Variants in FRMD6 observed in about 807,000 individuals in gnomAD.
FRMD6 encodes FERM domain-containing protein 6.
A neutral mutation model predicts 73.2 loss-of-function variants in FRMD6; 37 were observed. The ratio of observed to expected loss-of-function variants is 0.51; its 90% CI spans 0.39 to 0.66. The LOEUF is 0.66. Among genes scored for constraint, FRMD6 ranks in the 30% least tolerant of loss-of-function variants. The pLI, the probability that FRMD6 is intolerant of heterozygous loss-of-function variation, is 0.00. For missense variants in FRMD6, 714 were observed against 780.5 expected (o/e 0.91, Z 1.02); for synonymous variants, 273 against 282.2 (o/e 0.97, Z 0.33).
intron 1 of FRMD6, among the ~76,000 whole-genome samples, chr14:51,685,669 A>G (rs962705932): frequency 6.6e-6 from 1 of 152,194 alleles, no homozygotes; most frequent in African/African-American, 2.4e-5. Context: ...ACTGTTATCC[A>G]TTATATCTTC....
the FRMD6 span, among the ~76,000 whole-genome samples, chr14:51,444,110 G>A: frequency 6.6e-6 from 1 of 152,134 alleles, no homozygotes; most frequent in Non-Finnish European, 1.5e-5. Flanking sequence ...TGTATTTTTA[G>A]TTGAGACAGG....
At chr14:51,629,889 A>T (rs1006801098) in intron 2 of FRMD6, among the ~76,000 whole-genome samples, 1 of 152,200 alleles carries the variant, frequency 6.6e-6, no homozygotes, top group African/African-American at 2.4e-5. Context: ...CTCTAAAACA[A>T]GGAGTCAATT....
At chr14:51,595,783 T>G (rs1044306016) in intron 2 of FRMD6, among the ~76,000 whole-genome samples, 1 of 152,254 alleles carries the variant, frequency 6.6e-6, no homozygotes, top group Non-Finnish European at 1.5e-5. Flanking sequence ...AACAACAGTT[T>G]GCCTTCCTTA....
the FRMD6 span, among the ~76,000 whole-genome samples, chr14:51,440,472 A>G: frequency 6.6e-6 from 1 of 152,220 alleles, no homozygotes; most frequent in African/African-American, 2.4e-5. Flanking sequence ...CAAAAATCAG[A>G]GTAGTGTGCT....
chr14:51,608,958 C>G (rs1244908324), intron 2 of FRMD6, among the ~76,000 whole-genome samples: 1 of 151,860 alleles, frequency 6.6e-6, no homozygotes, highest in African/African-American at 2.4e-5. Flanking sequence ...GGCATGTGCA[C>G]CAGCCTTGGG....
chr14:51,655,465 A>G (rs755562858), intron 1 of FRMD6, among the ~76,000 whole-genome samples: 3 of 152,122 alleles, frequency 2.0e-5, no homozygotes, highest in Non-Finnish European at 4.4e-5. Context: ...GAAAAATGTT[A>G]TCGTTGGTCT....
intron 2 of FRMD6, among the ~76,000 whole-genome samples, chr14:51,589,353 T>C (rs865918706): frequency 5.3e-5 from 2 of 37,612 alleles, no homozygotes; most frequent in African/African-American, 6.8e-5. Flanking sequence ...GTTTTTGGTT[T>C]TTTTTGTTGT....
chr14:51,451,002 A>G, the FRMD6 span, among the ~76,000 whole-genome samples: 1 of 152,226 alleles, frequency 6.6e-6, no homozygotes, highest in Non-Finnish European at 1.5e-5. Flanking sequence ...GGCATGTCAC[A>G]GAAGACCTCC....
At chr14:51,706,952 T>G (rs1434056734) in intron 6 of FRMD6, among the ~76,000 whole-genome samples, 1 of 152,116 alleles carries the variant, frequency 6.6e-6, no homozygotes, top group Non-Finnish European at 1.5e-5. Flanking sequence ...CATGTTTGCA[T>G]TCTCTGGTTG....
chr14:51,619,694 AG>A (rs1890852611), intron 2 of FRMD6, among the ~76,000 whole-genome samples: 1 of 152,192 alleles, frequency 6.6e-6, no homozygotes, highest in African/African-American at 2.4e-5. Context: ...CCAGATGTTT[AG>A]GGAGTTTTGT....
intron 1 of FRMD6, among the ~76,000 whole-genome samples, chr14:51,684,400 G>C (rs1417949425): frequency 6.6e-6 from 1 of 152,194 alleles, no homozygotes. Context: ...ACACATTCAA[G>C]AGGTTGAAAA....
At chr14:51,544,774 G>T (rs1329402679) in intron 1 of FRMD6, among the ~76,000 whole-genome samples, 3 of 151,882 alleles carry the variant, frequency 2.0e-5, no homozygotes, top group African/African-American at 7.3e-5. Context: ...AGCCAAGAGA[G>T]ACTTTGTAGT....
intron 1 of FRMD6, among the ~76,000 whole-genome samples, chr14:51,555,232 C>T (rs117111259): frequency 1.3e-5 from 2 of 152,218 alleles, no homozygotes; most frequent in East Asian, 3.9e-4. Flanking sequence ...CATTCAACCT[C>T]CAAAGAAGAG....
chr14:51,546,872 G>A (rs561138868), intron 1 of FRMD6: 1 of 152,228 alleles, frequency 6.6e-6, no homozygotes, highest in Admixed American at 6.5e-5. Context: ...GAACTAATTT[G>A]AGAAACCCGG....
intron 1 of FRMD6, among the ~76,000 whole-genome samples, chr14:51,549,514 A>G (rs1353581010): frequency 1.3e-5 from 2 of 151,290 alleles, no homozygotes; most frequent in East Asian, 1.9e-4. Flanking sequence ...CTGCTGCTGC[A>G]TTAGTGCCCT....
chr14:51,706,902 A>C (rs925722095), intron 6 of FRMD6, among the ~76,000 whole-genome samples: 1 of 151,896 alleles, frequency 6.6e-6, no homozygotes, highest in African/African-American at 2.4e-5. Flanking sequence ...ATTTTTTTGG[A>C]GAGAAATCAC....
At chr14:51,419,897 T>C in the FRMD6 span, among the ~76,000 whole-genome samples, 1 of 152,102 alleles carries the variant, frequency 6.6e-6, no homozygotes, top group Admixed American at 6.5e-5. Flanking sequence ...GTCATGTGAC[T>C]TCCTGCCCTT....
rs142029821 is a variant in FRMD6, at chr14:51,668,508, G to T, written c.-147+16512G>T. Among the ~76,000 whole-genome samples, 5 of 152,102 alleles carry T rather than the reference G, an allele frequency of 3.3e-5. No individual in the cohort carries two copies. In the East Asian group the frequency reaches 9.7e-4, roughly 29 times the overall value. On this transcript the variant is annotated intron_variant, in intron 1 of 13. Transcript: ENST00000344768. ...TTTAGTAGAGACAGAGTTTTGTCAT[G>T]ATGGCCGGGCTGGTCTTGAACCCCT...
intron 5 of FRMD6, among the ~76,000 whole-genome samples, chr14:51,703,995 G>A (rs1279789222): frequency 1.3e-5 from 2 of 152,030 alleles, no homozygotes; most frequent in South Asian, 2.1e-4. Context: ...ATTTCTTAAC[G>A]TATTTAATGA....
Sources: allele counts gnomAD v4.1 joint callset (sites outside exome capture counted in the v4.1 genomes callset), GRCh38; gene constraint gnomAD v4.1.1; transcripts MANE v1.5; gene names NCBI Gene and HGNC (gene_info 2026-07-23, HGNC 2026-07-21).